Variants in EFCAB6 observed in about 807,000 individuals in gnomAD.
EFCAB6 encodes EF-hand calcium-binding domain-containing protein 6.
Under a neutral mutation model 169.8 loss-of-function variants are expected in EFCAB6, and 156 were observed. The observed-to-expected ratio is 0.92, with a 90% confidence interval of 0.81 to 1.05. The LOEUF is 1.05. Among genes scored for constraint, EFCAB6 ranks in the 50% least tolerant of loss-of-function variants. EFCAB6 has a pLI of 0.00. For missense variants in EFCAB6, 1,800 were observed against 1,829.1 expected, an observed-to-expected ratio of 0.98 and a Z score of 0.29; for synonymous variants, 698 against 676.4, an observed-to-expected ratio of 1.03 and a Z score of -0.50.
intron 17 of EFCAB6, among the ~76,000 whole-genome samples, chr22:43,645,490 A>G (rs528198129): frequency 2.2e-3 from 332 of 152,338 alleles, no homozygotes; most frequent in African/African-American, 7.6e-3. Context: ...TGTAGTCCCA[A>G]AAAAGCCTTG....
intron 24 of EFCAB6, among the ~76,000 whole-genome samples, chr22:43,589,280 CAAA>C (rs1163346832): frequency 1.1e-3 from 87 of 80,898 alleles, no homozygotes; most frequent in South Asian, 1.9e-3. Flanking sequence ...GACTTCATGT[CAAA>C]AAAAAAAAAA....
intron 27 of EFCAB6, among the ~76,000 whole-genome samples, chr22:43,543,861 C>T (rs922171756): frequency 6.6e-6 from 1 of 152,106 alleles, no homozygotes; most frequent in Non-Finnish European, 1.5e-5. Flanking sequence ...TCCGGCAGCC[C>T]CAGTCCCGCA....
At chr22:43,806,439 T>C (rs1468783334) in intron 2 of EFCAB6, among the ~76,000 whole-genome samples, 2 of 151,876 alleles carry the variant, frequency 1.3e-5, no homozygotes, top group Non-Finnish European at 2.9e-5. Flanking sequence ...AGAGGCAGGG[T>C]TTCACCATGT....
chr22:43,584,736 A>C (rs9614417), intron 24 of EFCAB6, among the ~76,000 whole-genome samples: 38,463 of 152,164 alleles, frequency 0.25, 5,222 homozygotes, highest in African/African-American at 0.32. Flanking sequence ...CCATGGACTC[A>C]GCCCACTAAA....
intron 11 of EFCAB6, among the ~76,000 whole-genome samples, chr22:43,684,557 T>C (rs996527049): frequency 6.6e-6 from 1 of 152,228 alleles, no homozygotes; most frequent in Non-Finnish European, 1.5e-5. Context: ...ACCTTTCCCA[T>C]GAAACAATGA....
At chr22:43,668,758 T>G in intron 16 of EFCAB6, 114 bp downstream of exon 16, 1 of 1,025,372 alleles carries the variant, frequency 9.8e-7, no homozygotes, top group East Asian at 3.1e-5. Context: ...TGTGCCATCT[T>G]TCTTATTTAT....
chr22:43,713,990 T>G (rs2059247499), intron 9 of EFCAB6, among the ~76,000 whole-genome samples: 1 of 152,030 alleles, frequency 6.6e-6, no homozygotes, highest in South Asian at 2.1e-4. Flanking sequence ...CTGCAAAAAT[T>G]TCATGCCACA....
rs140073510 is a variant in EFCAB6 at position 43,576,671 on chromosome 22, C to T, written c.3229-183G>A. 2.1e-4 allele frequency among the ~76,000 whole-genome samples: 32 copies of T among 152,210 alleles called. No individual in the cohort carries two copies. The East Asian group carries it at 5.6e-3, about 27-fold the overall frequency. On this transcript the variant is annotated intron_variant, in intron 25 of 31. Coordinates refer to ENST00000262726, the MANE Select transcript of EFCAB6 (RefSeq NM_022785.4). The stretch of plus-strand genomic sequence containing the variant: ...AGGACTGAGACAAGTATGATATGAA[C>T]GCAGTATGGGAGCTTATGAGTTCTA...
intron 6 of EFCAB6, among the ~76,000 whole-genome samples, chr22:43,748,844 G>T (rs1298771733): frequency 6.6e-6 from 1 of 152,176 alleles, no homozygotes; most frequent in Non-Finnish European, 1.5e-5. Context: ...TCTGAAAGCT[G>T]GGACATTTAA....
chr22:43,567,171 A>G (rs2049499835), intron 26 of EFCAB6, among the ~76,000 whole-genome samples: 1 of 151,690 alleles, frequency 6.6e-6, no homozygotes, highest in African/African-American at 2.4e-5. Flanking sequence ...TCCTCCTCCC[A>G]GCTCTCTATG....
At chr22:43,630,540 A>G (rs1459247638) in intron 19 of EFCAB6, among the ~76,000 whole-genome samples, 2 of 152,158 alleles carry the variant, frequency 1.3e-5, no homozygotes, top group Non-Finnish European at 2.9e-5. Context: ...GAGAGGAGAG[A>G]GTCTGAGAGA....
chr22:43,621,975 C>T (rs908498524), intron 20 of EFCAB6, among the ~76,000 whole-genome samples: 2 of 152,138 alleles, frequency 1.3e-5, no homozygotes, highest in Non-Finnish European at 2.9e-5. Flanking sequence ...TAGCAAAACT[C>T]ACTTGAGATG....
chr22:43,577,599 G>T (rs898843082), intron 25 of EFCAB6, among the ~76,000 whole-genome samples: 1 of 152,194 alleles, frequency 6.6e-6, no homozygotes, highest in Non-Finnish European at 1.5e-5. Context: ...GAGGGCAGGT[G>T]TAAGTTTTCC....
chr22:43,723,376 C>T (rs1474920203), intron 8 of EFCAB6, among the ~76,000 whole-genome samples: 1 of 152,112 alleles, frequency 6.6e-6, no homozygotes. Context: ...GTGCTATGCT[C>T]ACTACCTGGG....
At position 43,576,396 on chromosome 22, in the gene EFCAB6, G is replaced by T. The variant is rs777416077; in HGVS notation, c.3321C>A (p.Asp1107Glu). The change falls in exon 26 of 32, where the codon GAC becomes GAA. Residue 1107 changes from aspartate (D) to glutamate (E), a missense_variant. Physicochemically the swap from Asp to Glu is conservative, Grantham distance 45. Coordinates refer to ENST00000262726, the MANE Select transcript of EFCAB6 (RefSeq NM_022785.4). ...TCCTCAAAAAATAATGATACTGATT[G>T]TCCGTTAGTTTGTAACAGAAATCCT... ...VLKDFCYKLT[D>E]NQYHYFLRKL... is the part of the protein sequence containing the mutation. 3.7e-6 allele frequency: 6 copies of T among 1,604,520 alleles called. No homozygotes were observed. Among genetic ancestry groups the T allele is most frequent in the South Asian group, 1.1e-5 (1 of 88,476 alleles).
At chr22:43,602,572 TCTAA>T (rs2052600751) in intron 22 of EFCAB6, among the ~76,000 whole-genome samples, 1 of 152,096 alleles carries the variant, frequency 6.6e-6, no homozygotes, top group South Asian at 2.1e-4. Flanking sequence ...ACATCAGGAC[TCTAA>T]CTAGCCTTGT....
chr22:43,602,274 C>T (rs1305575748), intron 22 of EFCAB6, among the ~76,000 whole-genome samples: 1 of 152,226 alleles, frequency 6.6e-6, no homozygotes, highest in African/African-American at 2.4e-5. Context: ...ACACTTCCAC[C>T]TTTATTCAGT....
At chr22:43,567,899 T>G (rs2049554340) in intron 26 of EFCAB6, among the ~76,000 whole-genome samples, 2 of 152,160 alleles carry the variant, frequency 1.3e-5, no homozygotes. Flanking sequence ...GGAGACTGTT[T>G]GACTCCGAAG....
intron 6 of EFCAB6, among the ~76,000 whole-genome samples, chr22:43,753,027 C>A (rs2060825325): frequency 6.6e-6 from 1 of 152,184 alleles, no homozygotes; most frequent in South Asian, 2.1e-4. Flanking sequence ...TACATTCATT[C>A]TTGTCAGTAC....
Sources: gnomAD v4.1 joint callset for allele counts (sites outside exome capture counted in the v4.1 genomes callset) on GRCh38, gnomAD v4.1.1 for gene constraint, MANE v1.5 for transcripts, NCBI Gene and HGNC (gene_info 2026-07-23, HGNC 2026-07-21) for gene names.